The following GOLGA4 variants were observed in gnomAD, a reference collection of about 807,000 sequenced individuals.
GOLGA4 encodes the protein golgin subfamily A member 4.
In GOLGA4, 169 loss-of-function variants were observed where a neutral mutation model predicts 265.9. The observed-to-expected ratio is 0.64, with a 90% CI of 0.56 to 0.72. The LOEUF (loss-of-function observed/expected upper bound fraction) is 0.72, where lower values mean the gene tolerates loss of function less well. GOLGA4 is among the 30% of genes least tolerant of loss of function. The pLI is 0.00. For missense variants in GOLGA4, 2,482 were observed against 2,483.4 expected (o/e 1.00, Z 0.01); for synonymous variants, 923 against 855.8 (o/e 1.08, Z -1.37).
At chr3:37,298,749 T>G in intron 7 of GOLGA4, 84 bp from the exon 8 acceptor site, 1 of 894,322 alleles carries the variant, frequency 1.1e-6, no homozygotes, top group African/African-American at 1.7e-5. Context: ...AGATTAGATC[T>G]CTTTGACTGT....
At chr3:37,251,663 ATGTCTGTC>A (rs962620398) in intron 2 of GOLGA4, among the ~76,000 whole-genome samples, 179 bp downstream of exon 2, 5 of 136,620 alleles carry the variant, frequency 3.7e-5, no homozygotes, top group Admixed American at 7.6e-5. Flanking sequence ...GTTATGATTT[ATGTCTGTC>A]TGTCTGTCTG....
At position 37,257,985 on chromosome 3, in the gene GOLGA4, GTATGTATA is replaced by G. The variant is rs1194030594; in HGVS notation, c.162+6513_162+6520del. 2.5e-4 allele frequency among the ~76,000 whole-genome samples: 22 copies of G among 86,462 alleles called. 1 individual carries two copies. Among genetic ancestry groups the G allele is most frequent in the Non-Finnish European group, 3.1e-4 (15 of 48,402 alleles). The allele number at this position is 86,462 out of a possible 152,430, so 56.7% of individuals were successfully genotyped here. ...TGTATATATACATACATATATATAT[GTATGTATA>G]TATGTATATATACATACATATATAT... On this transcript the variant is annotated intron_variant, in intron 2 of 23. Transcript: ENST00000361924.
intron 16 of GOLGA4, among the ~76,000 whole-genome samples, chr3:37,330,725 A>G (rs2096987209): frequency 6.6e-6 from 1 of 152,098 alleles, no homozygotes; most frequent in African/African-American, 2.4e-5. Flanking sequence ...CAGCACTGCC[A>G]CTGGAAATAT....
At position 37,278,757 on chromosome 3, in the gene GOLGA4, C is replaced by T. The variant is rs564932356; in HGVS notation, c.163-3201C>T. 6.0e-5 allele frequency among the ~76,000 whole-genome samples: 9 copies of T among 151,192 alleles called. No individual in the cohort carries two copies. The South Asian group carries it at 1.9e-3, about 32-fold the overall frequency. On this transcript the variant is annotated intron_variant, in intron 2 of 23. Coordinates refer to ENST00000361924, the MANE Select transcript of GOLGA4 (RefSeq NM_002078.5). ...TATTAGACATATATGAAACATTTTACATATATGATCTCATTAATTCTCATA... is the reference window on the plus strand; with the variant it reads ...TATTAGACATATATGAAACATTTTATATATATGATCTCATTAATTCTCATA...
chr3:37,327,480 G>A lies in GOLGA4; in HGVS notation c.5594G>A (p.Arg1865Lys). The A allele has an allele frequency of 6.2e-7, 1 of 1,613,456 alleles. No homozygotes were observed. The change falls in exon 14 of 24, where the codon AGA becomes AAA. Residue 1865 changes from arginine (R) to lysine (K), a missense_variant. By Grantham distance (26) the Arg-to-Lys change is conservative. This residue lies in a region of GOLGA4 where 942 missense variants were observed against 983.1 expected (regional missense o/e 0.96). Transcript: ENST00000361924. The stretch of plus-strand genomic sequence containing the variant: ...AAAGAGCTGGATTCCTGCTTAGTAA[G>A]ACAGAAAGAAGTACATAGAGTTGAA... ...KIKELDSCLV[R>K]QKEVHRVEME...
chr3:37,264,556 A>G (rs1301182726), intron 2 of GOLGA4, among the ~76,000 whole-genome samples: 1 of 152,224 alleles, frequency 6.6e-6, no homozygotes, highest in Non-Finnish European at 1.5e-5. Flanking sequence ...ATGAACAGTT[A>G]GTTAAGGCTC....
intron 7 of GOLGA4, among the ~76,000 whole-genome samples, chr3:37,298,333 T>C (rs1028576464): frequency 2.6e-5 from 4 of 152,110 alleles, no homozygotes; most frequent in African/African-American, 7.2e-5. Context: ...AGAGATGATA[T>C]CATAGGGAAT....
At chr3:37,256,936 A>G (rs1039163623) in intron 2 of GOLGA4, among the ~76,000 whole-genome samples, 3 of 151,954 alleles carry the variant, frequency 2.0e-5, no homozygotes, top group South Asian at 4.2e-4. Context: ...TTAAATTCAT[A>G]TAACATAAAT....
chr3:37,311,553 A>G (rs2096923196), intron 10 of GOLGA4, among the ~76,000 whole-genome samples: 2 of 152,220 alleles, frequency 1.3e-5, no homozygotes, highest in South Asian at 4.1e-4. Flanking sequence ...AAGTTCTATC[A>G]TCAGGCTTAT....
At chr3:37,347,366 C>A in intron 21 of GOLGA4, 70 bp downstream of exon 21, 2 of 808,464 alleles carry the variant, frequency 2.5e-6, no homozygotes. Flanking sequence ...TTTTAATACA[C>A]ATGTGAATGC....
Position 37,324,978 on chromosome 3 carries a change from G to T in GOLGA4, c.3092G>T (p.Ser1031Ile). The T allele has an allele frequency of 6.2e-7, 1 of 1,613,296 alleles. No individual in the cohort carries two copies. Among genetic ancestry groups the T allele is most frequent in the Non-Finnish European group, 8.5e-7 (1 of 1,179,570 alleles). ...LETNQKEQIESLTEVHRRELN... is the reference protein window; with the variant it reads ...LETNQKEQIEILTEVHRRELN... ...ACAAACCAAAAAGAACAAATAGAAA[G>T]TCTTACTGAGGTTCATCGACGAGAA... is the stretch of plus-strand genomic sequence containing the variant. Residue 1031 changes from serine to isoleucine, a missense_variant, in exon 14 of 24, where the codon AGT (serine) becomes ATT (isoleucine). Coordinates refer to ENST00000361924, the MANE Select transcript of GOLGA4 (RefSeq NM_002078.5).
intron 17 of GOLGA4, among the ~76,000 whole-genome samples, chr3:37,336,848 C>T (rs1398658310): frequency 6.6e-6 from 1 of 152,084 alleles, no homozygotes; most frequent in Non-Finnish European, 1.5e-5. Flanking sequence ...TTTATTTCTA[C>T]TCAACATTTT....
At chr3:37,261,163 C>T (rs1206175796) in intron 2 of GOLGA4, among the ~76,000 whole-genome samples, 3 of 151,774 alleles carry the variant, frequency 2.0e-5, no homozygotes, top group Non-Finnish European at 4.4e-5. Context: ...AGAGCAAGAC[C>T]CTATCTCAAA....
At chr3:37,312,987 G>C (rs991359938) in intron 10 of GOLGA4, among the ~76,000 whole-genome samples, 1 of 152,082 alleles carries the variant, frequency 6.6e-6, no homozygotes, top group Non-Finnish European at 1.5e-5. Flanking sequence ...GACGGATCAC[G>C]AGGTCAGGAG....
intron 17 of GOLGA4, among the ~76,000 whole-genome samples, chr3:37,336,793 A>G (rs1033970896): frequency 1.3e-5 from 2 of 151,992 alleles, no homozygotes; most frequent in African/African-American, 4.8e-5. Flanking sequence ...AGAGAGAAAG[A>G]GAAAGAGAAA....
intron 22 of GOLGA4, 120 bp downstream of exon 22, chr3:37,355,307 T>A: frequency 3.3e-6 from 2 of 610,394 alleles, no homozygotes; most frequent in Non-Finnish European, 5.9e-6. Context: ...CTTTATTATA[T>A]CACAGCCTGA....
At position 37,324,223 on chromosome 3, in the gene GOLGA4, A is replaced by G. The variant is rs749341935; in HGVS notation, c.2337A>G (p.Val779=). ...ATTTGAAAGAGCATCAGGCTCATGT[A>G]GAAAATTTAGAGGCAGATATTAAAA... ...DKHLKEHQAH[V]ENLEADIKRS... Residue 779 remains valine, a synonymous_variant, in exon 14 of 24, where the codon GTA becomes GTG. Coordinates refer to ENST00000361924, the MANE Select transcript of GOLGA4 (RefSeq NM_002078.5). The G allele has an allele frequency of 6.2e-7, 1 of 1,614,218 alleles. No individual in the cohort carries two copies. Among genetic ancestry groups the G allele is most frequent in the African/African-American group, 1.3e-5 (1 of 75,068 alleles).
At chr3:37,259,122 A>T (rs1578381070) in intron 2 of GOLGA4, among the ~76,000 whole-genome samples, 1 of 152,058 alleles carries the variant, frequency 6.6e-6, no homozygotes, top group Non-Finnish European at 1.5e-5. Flanking sequence ...TTTTGAGGGA[A>T]GTGTTCTGAT....
At position 37,333,234 on chromosome 3, in the gene GOLGA4, C is replaced by T. The variant is rs940542599; in HGVS notation, c.6193-1819C>T. 3.9e-5 allele frequency among the ~76,000 whole-genome samples: 6 copies of T among 152,276 alleles called. No individual in the cohort carries two copies. In the East Asian group the frequency reaches 1.2e-3, roughly 29 times the overall value. On this transcript the variant is annotated intron_variant, in intron 16 of 23. Coordinates refer to ENST00000361924, the MANE Select transcript of GOLGA4 (RefSeq NM_002078.5). Reference sequence around the variant, plus strand: ...GTAGCTCGTAAGGCTATATTAGATACAAAATTGGTTTCTTTTTAACATTGA... The same window carrying T: ...GTAGCTCGTAAGGCTATATTAGATATAAAATTGGTTTCTTTTTAACATTGA...
Sources: gnomAD v4.1 joint callset for allele counts (sites outside exome capture counted in the v4.1 genomes callset) on GRCh38, gnomAD v4.1.1 for gene constraint, gnomAD v4.1.1 regional missense constraint, MANE v1.5 for transcripts, NCBI Gene and HGNC (gene_info 2026-07-23, HGNC 2026-07-21) for gene names.